Variants in PIEZO1 observed in about 807,000 individuals in gnomAD.
The protein encoded by PIEZO1 is piezo-type mechanosensitive ion channel component 1.
In PIEZO1, 296 loss-of-function variants were observed where a neutral mutation model predicts 297.2. The ratio of observed to expected loss-of-function variants is 1.00; its 90% CI spans 0.91 to 1.10. The LOEUF (loss-of-function observed/expected upper bound fraction) is 1.10. Among genes scored for constraint, PIEZO1 ranks in the 50% least tolerant of loss-of-function variants. The pLI is 0.00. For synonymous variants in PIEZO1, 2,427 were observed against 1,507.5 expected (o/e 1.61, Z -14.13); for missense variants, 5,018 against 3,455.5 (o/e 1.45, Z -11.34).
intron 2 of PIEZO1, among the ~76,000 whole-genome samples, chr16:88,749,137 G>C (rs548356944): frequency 5.9e-5 from 9 of 151,894 alleles, no homozygotes; most frequent in Non-Finnish European, 1.2e-4. Flanking sequence ...CTACCCGGGA[G>C]GCTGAGGCAG....
chr16:88,741,250 C>T (rs940579741), intron 5 of PIEZO1: 1 of 491,808 alleles, frequency 2.0e-6, no homozygotes, highest in Non-Finnish European at 3.6e-6. Context: ...CATGTCGGGG[C>T]GTGGAGGTTT....
chr16:88,742,001 C>A, intron 4 of PIEZO1, 52 bp downstream of exon 4: 1 of 1,524,038 alleles, frequency 6.6e-7, no homozygotes, highest in South Asian at 1.2e-5. Flanking sequence ...TTCCTGGGGC[C>A]TGAAATCCCC....
rs561264639 is a variant in PIEZO1 at position 88,767,753 on chromosome 16, T to A, written c.64+17148A>T. On this transcript the variant is annotated intron_variant, in intron 1 of 50. Coordinates refer to ENST00000301015, the MANE Select transcript of PIEZO1 (RefSeq NM_001142864.4). ...GGAGGGGCAGAGCCAAGCCAGAACA[T>A]CTCCGCTGAGCCTTCTGCCTCAGGG... 5.3e-5 allele frequency among the ~76,000 whole-genome samples: 8 copies of A among 152,070 alleles called. No individual in the cohort carries two copies. The East Asian group carries it at 9.7e-4, about 18-fold the overall frequency.
chr16:88,749,019 C>G (rs867329020), intron 2 of PIEZO1, among the ~76,000 whole-genome samples: 4 of 149,552 alleles, frequency 2.7e-5, no homozygotes, highest in Non-Finnish European at 4.4e-5. Context: ...GGGCGGATCA[C>G]AAGGTCAGGA....
At chr16:88,733,254 G>C (rs539306605) in intron 19 of PIEZO1, 24 bp downstream of exon 19, 1 of 1,530,614 alleles carries the variant, frequency 6.5e-7, no homozygotes, top group Non-Finnish European at 8.8e-7. Flanking sequence ...GCTTCCTCCC[G>C]TCCCAGCCCT....
chr16:88,730,975 G>A (rs1410312909), intron 22 of PIEZO1, among the ~76,000 whole-genome samples: 2 of 152,256 alleles, frequency 1.3e-5, no homozygotes, highest in African/African-American at 2.4e-5. Context: ...TGCCACTGTG[G>A]GGCAGGTGGG....
At chr16:88,749,276 C>T in intron 2 of PIEZO1, 108 bp downstream of exon 2, 4 of 664,720 alleles carry the variant, frequency 6.0e-6, no homozygotes, top group South Asian at 2.4e-5. Flanking sequence ...GACCCCTCAT[C>T]TTCCACCCCG....
chr16:88,756,820 T>C (rs975035657), intron 1 of PIEZO1, among the ~76,000 whole-genome samples: 3 of 151,592 alleles, frequency 2.0e-5, no homozygotes, highest in Admixed American at 6.6e-5. Context: ...CTCATGCCTG[T>C]AATCCCAGCA....
At chr16:88,756,847 C>A (rs373385763) in intron 1 of PIEZO1, among the ~76,000 whole-genome samples, 1 of 151,914 alleles carries the variant, frequency 6.6e-6, no homozygotes, top group Non-Finnish European at 1.5e-5. Context: ...GAGGCCGAGG[C>A]GGGCAGATCA....
intron 1 of PIEZO1, among the ~76,000 whole-genome samples, chr16:88,764,573 A>G (rs916650992): frequency 2.6e-5 from 4 of 152,080 alleles, no homozygotes; most frequent in Non-Finnish European, 5.9e-5. Flanking sequence ...CAACATGACG[A>G]AACCCCGTCG....
chr16:88,732,816 T>G, intron 19 of PIEZO1, 84 bp from the exon 20 acceptor site: 7 of 1,361,556 alleles, frequency 5.1e-6, no homozygotes, highest in Non-Finnish European at 6.9e-6. Flanking sequence ...GCCACAGCTC[T>G]GGGGCAGGTC....
chr16:88,783,626 C>A (rs1036877609), intron 1 of PIEZO1, among the ~76,000 whole-genome samples: 2 of 152,224 alleles, frequency 1.3e-5, no homozygotes, highest in Admixed American at 6.5e-5. Flanking sequence ...CACAGCCGGG[C>A]CCTGTTTACG....
At position 88,721,186 on chromosome 16, in the gene PIEZO1, C is replaced by T. The variant is rs766662645; in HGVS notation, c.5648G>A (p.Arg1883Gln). 44 of 1,507,802 alleles carry T rather than the reference C, an allele frequency of 2.9e-5. No individual in the cohort carries two copies. The highest frequency in any genetic ancestry group is 8.3e-5 in the Admixed American group (4 of 48,000). 93.4% of individuals were successfully genotyped at this position (1,507,802 alleles called of 1,614,324 possible). A position where few individuals can be genotyped will look rare whatever the true frequency, so the allele number is the denominator to read the frequency against. Residue 1883 changes from arginine (R) to glutamine (Q), a missense_variant, in exon 39 of 51, where the codon CGG becomes CAG. Transcript: ENST00000301015. ...FRRRKKEGPA[R>Q]KGAAAIEAED... Reference sequence around the variant, plus strand: ...TATACCGATGGCTGCCGCTCCTTTCCGTGCTGGGCCCTCCTTCTTCCTTCT... The same window carrying T: ...TATACCGATGGCTGCCGCTCCTTTCTGTGCTGGGCCCTCCTTCTTCCTTCT...
intron 1 of PIEZO1, among the ~76,000 whole-genome samples, chr16:88,750,532 C>T (rs952639416): frequency 3.3e-5 from 5 of 152,228 alleles, no homozygotes; most frequent in African/African-American, 4.8e-5. Context: ...GCCTGGCCTC[C>T]CACCCTCATC....
intron 48 of PIEZO1, 29 bp from the exon 49 acceptor site, chr16:88,716,306 TG>T: frequency 6.7e-7 from 1 of 1,495,512 alleles, no homozygotes. Context: ...AGGTCAGGCC[TG>T]GCCCAGCCAA....
At chr16:88,717,696 TAA>T in intron 44 of PIEZO1, 1 of 437,124 alleles carries the variant, frequency 2.3e-6, no homozygotes, top group Non-Finnish European at 4.6e-6. Flanking sequence ...CAAGAAAATT[TAA>T]GAGACAGTCC....
intron 1 of PIEZO1, among the ~76,000 whole-genome samples, chr16:88,760,161 C>G (rs1054012951): frequency 6.6e-6 from 1 of 152,154 alleles, no homozygotes; most frequent in Non-Finnish European, 1.5e-5. Flanking sequence ...GCGGGGCCTC[C>G]GTGCCCTCAG....
In PIEZO1 at chr16:88,716,420, G is replaced by A. The variant is rs545326364; in HGVS notation, c.6990C>T (p.Pro2330=). The part of the protein sequence containing the change: ...ANEKHMLALA[P]NSTARRQLAS... ...CCAGCTGCCGCCGTGCAGTGCTGTT[G>A]GGGGCCAGGGCCAGCATGTGCTTCT... The change falls in exon 48 of 51, where the codon CCC becomes CCT. Residue 2330 remains proline, a synonymous_variant. Coordinates refer to ENST00000301015, the MANE Select transcript of PIEZO1 (RefSeq NM_001142864.4). The A allele has an allele frequency of 1.7e-4, 259 of 1,549,716 alleles. No individual in the cohort carries two copies. The highest frequency in any genetic ancestry group is 1.0e-3 in the African/African-American group (74 of 73,178).
At chr16:88,769,283 C>T (rs1298139194) in intron 1 of PIEZO1, among the ~76,000 whole-genome samples, 1 of 152,184 alleles carries the variant, frequency 6.6e-6, no homozygotes. Flanking sequence ...AACTCCTGGC[C>T]TCAAGTGATC....
Sources: gnomAD v4.1 joint callset for allele counts (sites outside exome capture counted in the v4.1 genomes callset) on GRCh38, gnomAD v4.1.1 for gene constraint, MANE v1.5 for transcripts, NCBI Gene and HGNC (gene_info 2026-07-23, HGNC 2026-07-21) for gene names.